Variants in TOPBP1 observed in about 807,000 individuals in gnomAD.
TOPBP1 encodes the protein DNA topoisomerase II binding protein 1.
TOPBP1 carries 28 observed loss-of-function variants against 167.7 expected under a neutral mutation model. The ratio of observed to expected loss-of-function variants is 0.17; its 90% CI spans 0.12 to 0.23. The LOEUF (loss-of-function observed/expected upper bound fraction) is 0.23. Among genes scored for constraint, TOPBP1 ranks in the 10% least tolerant of loss-of-function variants. TOPBP1 has a pLI of 1.00. For synonymous variants in TOPBP1, 598 were observed against 611.4 expected, an observed-to-expected ratio of 0.98 and a Z score of 0.32; for missense variants, 1,554 against 1,809.6, an observed-to-expected ratio of 0.86 and a Z score of 2.56.
chr3:133,616,196 T>C (rs1934872507), intron 23 of TOPBP1, among the ~76,000 whole-genome samples: 2 of 152,044 alleles, frequency 1.3e-5, no homozygotes, highest in South Asian at 4.2e-4. Flanking sequence ...CTTGGCTCAT[T>C]GCAACCTCCG....
Position 133,623,415 on chromosome 3 carries a change from G to A in TOPBP1, c.2971C>T (p.His991Tyr), listed in dbSNP as rs1348623368. 1.2e-6 allele frequency: 2 copies of A among 1,612,834 alleles called. No individual in the cohort carries two copies. The highest frequency in any genetic ancestry group is 8.5e-7 in the Non-Finnish European group (1 of 1,179,348). Residue 991 changes from histidine (H) to tyrosine (Y), a missense_variant, in exon 18 of 28, where the codon CAT (histidine) becomes TAT (tyrosine). Physicochemically the swap from His to Tyr is moderately conservative, Grantham distance 83. This residue lies in a region of TOPBP1 where 1,197 missense variants were observed against 1,351.5 expected (regional missense o/e 0.89). Coordinates refer to ENST00000260810, the MANE Select transcript of TOPBP1 (RefSeq NM_007027.4). ...CKHLPESLYP[H>Y]TYNPKMSLDI... ...AAGCTCATTTTGGGATTATAAGTAT[G>A]TGGATAAAGAGATTCAGGAAGATGT... is the stretch of plus-strand genomic sequence containing the variant.
At chr3:133,647,867 A>C (rs1175887158) in intron 10 of TOPBP1, among the ~76,000 whole-genome samples, 1 of 152,196 alleles carries the variant, frequency 6.6e-6, no homozygotes, top group African/African-American at 2.4e-5. Context: ...AAAAGATGGA[A>C]GATAAGGACA....
In TOPBP1 at chr3:133,624,037, A is replaced by G. The variant is rs1238125772; in HGVS notation, c.2928+15T>C. 5 of 1,606,188 alleles carry G rather than the reference A, an allele frequency of 3.1e-6. No homozygotes were observed. The highest frequency in any genetic ancestry group is 1.7e-5 in the Admixed American group (1 of 58,478). On this transcript the variant is annotated intron_variant, in intron 17 of 27. Coordinates refer to ENST00000260810, the MANE Select transcript of TOPBP1 (RefSeq NM_007027.4). ...TTCAATTAACAGAGATGGGGGGGAA[A>G]AAAGCACTGCTTACATCTAAAAGCC...
At chr3:133,602,210 AT>A (rs1469844582) in intron 27 of TOPBP1, among the ~76,000 whole-genome samples, 1 of 152,218 alleles carries the variant, frequency 6.6e-6, no homozygotes, top group Non-Finnish European at 1.5e-5. Flanking sequence ...ACCATCACTG[AT>A]TTCTCAACAG....
At chr3:133,647,001 T>A (rs1390764964) in intron 10 of TOPBP1, among the ~76,000 whole-genome samples, 2 of 152,202 alleles carry the variant, frequency 1.3e-5, no homozygotes, top group African/African-American at 2.4e-5. Flanking sequence ...ACCCTTGGAA[T>A]GTAAAGGTAT....
At chr3:133,653,629 A>AT (rs758153679) in intron 6 of TOPBP1, 105 bp from the exon 7 acceptor site, 61,418 of 768,762 alleles carry the variant, frequency 0.08, 105 homozygotes, top group Non-Finnish European at 0.082. Context: ...ACAGGTTAAT[A>AT]TTTTTTTTTT....
intron 20 of TOPBP1, among the ~76,000 whole-genome samples, 156 bp from the exon 21 acceptor site, chr3:133,618,589 CA>C (rs1482233568): frequency 3.3e-5 from 5 of 151,808 alleles, no homozygotes; most frequent in African/African-American, 1.2e-4. Context: ...AACCTAGGGA[CA>C]TTTTTTTTTT....
chr3:133,636,850 C>G (rs1404507712), intron 14 of TOPBP1, among the ~76,000 whole-genome samples: 1 of 152,154 alleles, frequency 6.6e-6, no homozygotes, highest in East Asian at 1.9e-4. Flanking sequence ...TGATTTTCCT[C>G]TATGTCTTAA....
intron 22 of TOPBP1, 68 bp from the exon 23 acceptor site, chr3:133,616,993 G>T: frequency 8.0e-7 from 1 of 1,254,642 alleles, no homozygotes; most frequent in Non-Finnish European, 1.1e-6. Context: ...TTCTTTTATA[G>T]TGGTATTTTA....
At position 133,661,024 on chromosome 3, in the gene TOPBP1, A is replaced by T. The variant is rs760302484; in HGVS notation, c.84+20T>A. The T allele has an allele frequency of 5.0e-5, 76 of 1,534,306 alleles. No individual in the cohort carries two copies. The highest frequency in any genetic ancestry group is 8.8e-6 in the Non-Finnish European group (10 of 1,137,922). On this transcript the variant is annotated intron_variant, in intron 2 of 27. Coordinates refer to ENST00000260810, the MANE Select transcript of TOPBP1 (RefSeq NM_007027.4). ...AACAAGAAAATGAATTCACGGTATT[A>T]AGATGTTTTCAACTCTTACCTCGAG...
intron 14 of TOPBP1, among the ~76,000 whole-genome samples, chr3:133,635,140 G>A (rs1454503383): frequency 1.3e-5 from 2 of 152,184 alleles, no homozygotes; most frequent in Non-Finnish European, 2.9e-5. Context: ...ACTTTTTGTA[G>A]ATGTGGGGTC....
chr3:133,603,668 T>C (rs937754999), intron 27 of TOPBP1, among the ~76,000 whole-genome samples: 4 of 152,100 alleles, frequency 2.6e-5, no homozygotes, highest in African/African-American at 7.2e-5. Flanking sequence ...GGTAAACAAC[T>C]AGCAACAAAG....
chr3:133,638,508 G>C (rs1935756562), intron 13 of TOPBP1, among the ~76,000 whole-genome samples: 1 of 152,146 alleles, frequency 6.6e-6, no homozygotes, highest in African/African-American at 2.4e-5. Context: ...TGTTATCAGT[G>C]AATGTCTTTC....
rs1461551494 is a variant in TOPBP1, at chr3:133,608,893, G to A, written c.4243C>T (p.Leu1415Phe). The A allele has an allele frequency of 6.2e-7, 1 of 1,612,710 alleles. No homozygotes were observed. Among genetic ancestry groups the A allele is most frequent in the Admixed American group, 1.7e-5 (1 of 59,724 alleles). Reference sequence around the variant, plus strand: ...CAAACCTTTGCTCCTCCTGACTGAAGAAGGCGTTTGAAGCCTGCTTCTCGA... The same window carrying A: ...CAAACCTTTGCTCCTCCTGACTGAAAAAGGCGTTTGAAGCCTGCTTCTCGA... ...QSREAGFKRL[L>F]QSGGAKVLPG... The change falls in exon 26 of 28, where the codon CTT becomes TTT. Residue 1415 changes from leucine to phenylalanine, a missense_variant. This residue lies in a region of TOPBP1 where 351 missense variants were observed against 432.9 expected (regional missense o/e 0.81). Coordinates refer to ENST00000260810, the MANE Select transcript of TOPBP1 (RefSeq NM_007027.4).
chr3:133,618,100 GTTTTT>G, intron 21 of TOPBP1, 108 bp downstream of exon 21: 1 of 878,640 alleles, frequency 1.1e-6, no homozygotes, highest in Non-Finnish European at 1.7e-6. Flanking sequence ...TATCTACGAA[GTTTTT>G]TTTGTTTGCA....
intron 10 of TOPBP1, 124 bp from the exon 11 acceptor site, chr3:133,644,487 C>T (rs1936011529): frequency 3.2e-6 from 3 of 940,632 alleles, no homozygotes; most frequent in East Asian, 2.7e-5. Context: ...CTAAAGCTTA[C>T]GTGTATAATA....
chr3:133,610,856 A>C, intron 25 of TOPBP1, 148 bp downstream of exon 25: 1 of 825,108 alleles, frequency 1.2e-6, no homozygotes, highest in Non-Finnish European at 1.8e-6. Context: ...TACATATATA[A>C]ATTATTTTTA....
intron 19 of TOPBP1, among the ~76,000 whole-genome samples, chr3:133,620,810 G>C (rs558159937): frequency 1.4e-4 from 22 of 151,964 alleles, no homozygotes; most frequent in Non-Finnish European, 2.6e-4. Flanking sequence ...CCTGACCTCA[G>C]GTGATCTGCC....
chr3:133,626,410 C>T (rs773297589), intron 16 of TOPBP1, among the ~76,000 whole-genome samples: 1 of 152,162 alleles, frequency 6.6e-6, no homozygotes, highest in Non-Finnish European at 1.5e-5. Flanking sequence ...TTCTGGGGAA[C>T]AGTCATACAT....
Sources: gnomAD v4.1 joint callset for allele counts (sites outside exome capture counted in the v4.1 genomes callset) on GRCh38, gnomAD v4.1.1 for gene constraint, gnomAD v4.1.1 regional missense constraint, MANE v1.5 for transcripts, NCBI Gene and HGNC (gene_info 2026-07-23, HGNC 2026-07-21) for gene names.